The following ARFGEF1 variants were observed in gnomAD, a reference collection of about 807,000 sequenced individuals.
The protein encoded by ARFGEF1 is ARF guanine nucleotide exchange factor 1.
ARFGEF1 carries 42 observed loss-of-function variants against 231.0 expected under a neutral mutation model. The observed-to-expected ratio is 0.18, with a 90% CI of 0.14 to 0.24. The LOEUF is 0.24. ARFGEF1 is among the 10% of genes least tolerant of loss of function. ARFGEF1 has a pLI of 1.00. For missense variants in ARFGEF1, 1,345 were observed against 2,192.0 expected (o/e 0.61, Z 7.72); for synonymous variants, 710 against 732.3 (o/e 0.97, Z 0.49).
chr8:67,290,026 A>C (rs1218911151), intron 6 of ARFGEF1, among the ~76,000 whole-genome samples: 1 of 152,238 alleles, frequency 6.6e-6, no homozygotes, highest in Non-Finnish European at 1.5e-5. Flanking sequence ...GGAAATGCTT[A>C]GAGAAGTTAA....
intron 5 of ARFGEF1, among the ~76,000 whole-genome samples, chr8:67,186,478 A>C (rs1834629590): frequency 6.6e-6 from 1 of 152,148 alleles, no homozygotes. Context: ...CAAATCTGAT[A>C]ACCTAAAGTC....
At chr8:67,201,909 G>C (rs1364244151) in intron 36 of ARFGEF1, 4 of 329,114 alleles carry the variant, frequency 1.2e-5, no homozygotes, top group Non-Finnish European at 2.2e-5. Context: ...AGGGGCCTCA[G>C]ATAAACAGGG....
intron 5 of ARFGEF1, chr8:67,177,575 G>A (rs1273157849): frequency 5.6e-6 from 4 of 708,712 alleles, no homozygotes; most frequent in Non-Finnish European, 7.4e-6. Context: ...TAGTTGAAAA[G>A]TAATTTCCAG....
At chr8:67,204,077 A>G (rs1838427539) in intron 35 of ARFGEF1, among the ~76,000 whole-genome samples, 1 of 152,128 alleles carries the variant, frequency 6.6e-6, no homozygotes, top group African/African-American at 2.4e-5. Flanking sequence ...GGAGAACAAA[A>G]CATAGCAAAC....
intron 1 of ARFGEF1, among the ~76,000 whole-genome samples, chr8:67,305,237 C>T (rs755092236): frequency 6.6e-6 from 1 of 152,004 alleles, no homozygotes; most frequent in Non-Finnish European, 1.5e-5. Context: ...TGAACAGAAG[C>T]CTACCATAAG....
chr8:67,217,786 G>A lies in ARFGEF1; in HGVS notation c.4609C>T (p.His1537Tyr). ...AGTTGTATAAAATCTTCTTACGCAT[G>A]TGGGATTGTGGTTTTGAAGATATCC... ...TLDIFKTTIPHALLTWRPNSG... is the reference protein window; with the variant it reads ...TLDIFKTTIPYALLTWRPNSG... The change falls in exon 32 of 39, where the codon CAT (histidine) becomes TAT (tyrosine). Residue 1537 changes from histidine to tyrosine, a missense_variant. This residue lies in a region of ARFGEF1 where 54 missense variants were observed against 86.5 expected (regional missense o/e 0.62). Coordinates refer to ENST00000262215, the MANE Select transcript of ARFGEF1 (RefSeq NM_006421.5). 1 of 1,613,468 alleles carries A rather than the reference G, an allele frequency of 6.2e-7. No individual in the cohort carries two copies. Among genetic ancestry groups the A allele is most frequent in the Non-Finnish European group, 8.5e-7 (1 of 1,179,708 alleles).
Position 67,201,500 on chromosome 8 carries a change from C to G in ARFGEF1, c.5234G>C (p.Ser1745Thr). 6.2e-7 allele frequency: 1 copy of G among 1,611,468 alleles called. No individual in the cohort carries two copies. The highest frequency in any genetic ancestry group is 8.5e-7 in the Non-Finnish European group (1 of 1,179,020). The change falls in exon 37 of 39, where the codon AGT becomes ACT. Residue 1745 changes from serine to threonine, a missense_variant. By Grantham distance (58) the Ser-to-Thr change is moderately conservative (BLOSUM62 1). This residue lies in a region of ARFGEF1 where 161 missense variants were observed against 284.9 expected (regional missense o/e 0.57). Coordinates refer to ENST00000262215, the MANE Select transcript of ARFGEF1 (RefSeq NM_006421.5). ...CCTCTGCTGGACCTCCTCCCAGGCACTAACGCGGCTCTCATCCATGTACAT... is the reference window on the plus strand; with the variant it reads ...CCTCTGCTGGACCTCCTCCCAGGCAGTAACGCGGCTCTCATCCATGTACAT... ...FRMYMDESRV[S>T]AWEEVQQRLL...
chr8:67,237,341 C>T (rs978716128), intron 22 of ARFGEF1, among the ~76,000 whole-genome samples: 1 of 152,236 alleles, frequency 6.6e-6, no homozygotes, highest in African/African-American at 2.4e-5. Context: ...GGACAGACTG[C>T]ATTGCTAGCT....
chr8:67,238,602 T>G (rs1330419807), intron 21 of ARFGEF1, 109 bp from the exon 22 acceptor site: 20 of 1,417,170 alleles, frequency 1.4e-5, no homozygotes, highest in Non-Finnish European at 1.8e-5. Context: ...ATAGATTATT[T>G]TAAAAAGCTA....
intron 23 of ARFGEF1, 32 bp from the exon 24 acceptor site, chr8:67,228,296 T>C: frequency 6.3e-7 from 1 of 1,579,746 alleles, no homozygotes; most frequent in Non-Finnish European, 8.7e-7. Context: ...TTAAAAAATT[T>C]ATAAGTTACT....
intron 8 of ARFGEF1, among the ~76,000 whole-genome samples, chr8:67,276,975 T>C (rs1199464594): frequency 6.6e-6 from 1 of 152,176 alleles, no homozygotes; most frequent in African/African-American, 2.4e-5. Flanking sequence ...ACCAGAATTA[T>C]CTTGTGAATA....
At chr8:67,255,318 G>A (rs561423537) in intron 17 of ARFGEF1, among the ~76,000 whole-genome samples, 1 of 152,204 alleles carries the variant, frequency 6.6e-6, no homozygotes, top group Non-Finnish European at 1.5e-5. Flanking sequence ...TTATCCTCGT[G>A]TGCTTGTATT....
intron 33 of ARFGEF1, among the ~76,000 whole-genome samples, chr8:67,212,049 C>T: frequency 6.6e-6 from 1 of 150,900 alleles, no homozygotes; most frequent in East Asian, 2.0e-4. Context: ...TGGAGTCCAA[C>T]AGACCTACAC....
intron 7 of ARFGEF1, among the ~76,000 whole-genome samples, chr8:67,283,437 A>T (rs966231817): frequency 1.3e-5 from 2 of 152,184 alleles, no homozygotes; most frequent in African/African-American, 4.8e-5. Flanking sequence ...TATGTGAAAA[A>T]GGCAGATTAT....
rs773060622 is a variant in ARFGEF1, at chr8:67,204,745, C to T, written c.4894G>A (p.Asp1632Asn). The change falls in exon 35 of 39, where the codon GAC becomes AAC. Residue 1632 changes from aspartate to asparagine, a missense_variant. Asp to Asn is a conservative substitution (Grantham distance 23). Transcript: ENST00000262215. ...GTGGCTGGGAAGAAGACAATGTTGT[C>T]GATAGTCTGGATGAGTTCCAGCTGC... The part of the protein sequence containing the change: ...VVQLELIQTI[D>N]NIVFFPATSK... 1.9e-6 allele frequency: 3 copies of T among 1,613,802 alleles called. No homozygotes were observed. Among genetic ancestry groups the T allele is most frequent in the Admixed American group, 1.7e-5 (1 of 59,984 alleles).
chr8:67,178,978 A>T (rs1416372511), intron 5 of ARFGEF1, among the ~76,000 whole-genome samples: 1 of 152,214 alleles, frequency 6.6e-6, no homozygotes, highest in Non-Finnish European at 1.5e-5. Context: ...AGGCTATTGT[A>T]GTAATTTAGG....
chr8:67,177,790 A>T, intron 5 of ARFGEF1: 1 of 1,087,522 alleles, frequency 9.2e-7, no homozygotes, highest in South Asian at 1.3e-5. Context: ...TAGGCATATG[A>T]TGATCAAGTA....
chr8:67,276,761 G>A (rs1805329704), intron 8 of ARFGEF1, among the ~76,000 whole-genome samples: 1 of 152,122 alleles, frequency 6.6e-6, no homozygotes, highest in Admixed American at 6.6e-5. Flanking sequence ...AAATGCTTGG[G>A]ACCAGAAGTG....
intron 10 of ARFGEF1, 143 bp downstream of exon 10, chr8:67,271,559 A>G: frequency 1.5e-6 from 1 of 649,116 alleles, no homozygotes. Context: ...TATTAGTTGA[A>G]CAGGTGAATG....
Sources: allele counts gnomAD v4.1 joint callset (sites outside exome capture counted in the v4.1 genomes callset), GRCh38; gene constraint gnomAD v4.1.1; regional missense constraint gnomAD v4.1.1; transcripts MANE v1.5; gene names NCBI Gene and HGNC (gene_info 2026-07-23, HGNC 2026-07-21).